Variants in DGKB observed in about 807,000 individuals in gnomAD.
The protein encoded by DGKB is diacylglycerol kinase beta.
DGKB carries 67 observed loss-of-function variants against 114.3 expected under a neutral mutation model. The ratio of observed to expected loss-of-function variants is 0.59; its 90% confidence interval spans 0.48 to 0.72. The LOEUF (loss-of-function observed/expected upper bound fraction) is 0.72, where lower values mean the gene tolerates loss of function less well. Among genes scored for constraint, DGKB ranks in the 30% least tolerant of loss-of-function variants. DGKB has a pLI of 0.00. For missense variants in DGKB, 907 were observed against 975.2 expected (o/e 0.93, Z 0.93); for synonymous variants, 398 against 323.1 (o/e 1.23, Z -2.49).
intron 21 of DGKB, among the ~76,000 whole-genome samples, chr7:14,384,434 C>T (rs949081071): frequency 2.0e-5 from 3 of 152,036 alleles, no homozygotes; most frequent in East Asian, 1.9e-4. Flanking sequence ...TCGGCAGAAC[C>T]GAGTAATTGT....
intron 20 of DGKB, among the ~76,000 whole-genome samples, chr7:14,532,739 C>T (rs1015296678): frequency 2.0e-5 from 3 of 151,560 alleles, no homozygotes; most frequent in Non-Finnish European, 3.0e-5. Flanking sequence ...GTTAGAAAAT[C>T]GGTAAAGACA....
intron 1 of DGKB, among the ~76,000 whole-genome samples, chr7:14,956,869 G>T (rs1419490247): frequency 3.3e-5 from 5 of 151,458 alleles, no homozygotes; most frequent in African/African-American, 4.8e-5. Context: ...TTTTTTTAAG[G>T]CAAATGAGCA....
chr7:14,719,473 A>G (rs893251692), intron 5 of DGKB, among the ~76,000 whole-genome samples: 3 of 54,752 alleles, frequency 5.5e-5, no homozygotes, highest in African/African-American at 1.2e-4. Flanking sequence ...TGTATCTGAC[A>G]AGGCCTGAAG....
chr7:14,482,187 A>C (rs1474647337), intron 20 of DGKB, among the ~76,000 whole-genome samples: 1 of 152,040 alleles, frequency 6.6e-6, no homozygotes, highest in African/African-American at 2.4e-5. Flanking sequence ...TGGTGTTCTA[A>C]TACCTGGAAG....
rs113874820 is a variant in DGKB, at chr7:14,152,341, G to C, written c.2305-3103C>G. Among the ~76,000 whole-genome samples the C allele has an allele frequency of 4.4e-3, 665 of 152,064 alleles. 7 individuals are homozygous for C. The highest frequency in any genetic ancestry group is 0.015 in the African/African-American group (632 of 41,506). Reference sequence around the variant, plus strand: ...CAAGGCATTTTGCAACATGATTTTGGTTGTTTAGTTTCTAAGAGACTCTGA... The same window carrying C: ...CAAGGCATTTTGCAACATGATTTTGCTTGTTTAGTTTCTAAGAGACTCTGA... On this transcript the variant is annotated intron_variant, in intron 25 of 25. Coordinates refer to ENST00000402815, the MANE Select transcript of DGKB (RefSeq NM_001350709.2).
chr7:14,489,714 C>T (rs1310152543), intron 20 of DGKB, among the ~76,000 whole-genome samples: 1 of 152,156 alleles, frequency 6.6e-6, no homozygotes, highest in Non-Finnish European at 1.5e-5. Flanking sequence ...TATGAGTGGT[C>T]ACCAGTAACT....
chr7:14,348,296 C>T (rs1021513115), intron 21 of DGKB, among the ~76,000 whole-genome samples: 5 of 152,016 alleles, frequency 3.3e-5, no homozygotes, highest in African/African-American at 1.2e-4. Context: ...TTAGATTCAT[C>T]CAGGTTGTTT....
In DGKB at chr7:14,974,400, G is replaced by A. The variant is rs111275996; in HGVS notation, c.-188+296C>T. On this transcript the variant is annotated intron_variant, in intron 1 of 4. Coordinates refer to the DGKB transcript ENST00000437998. ...AATTAAAAAAGGAATAGTACAAGTA[G>A]ATGACTCACTTCTATCTTTAAAAGC... Among the ~76,000 whole-genome samples, 1,260 of 152,138 alleles carry A rather than the reference G, an allele frequency of 8.3e-3. 23 individuals carry two copies. The highest frequency in any genetic ancestry group is 0.028 in the African/African-American group (1,181 of 41,558).
chr7:14,939,255 G>T (rs1466970701), intron 1 of DGKB, among the ~76,000 whole-genome samples: 1 of 152,088 alleles, frequency 6.6e-6, no homozygotes, highest in Non-Finnish European at 1.5e-5. Flanking sequence ...TTCAAATTTT[G>T]ATTTACAGAA....
intron 1 of DGKB, among the ~76,000 whole-genome samples, chr7:14,921,105 C>T (rs1288103012): frequency 6.6e-6 from 1 of 152,038 alleles, no homozygotes; most frequent in African/African-American, 2.4e-5. Flanking sequence ...CTCCTCCCAT[C>T]TGACATTTCG....
At chr7:14,252,563 G>A (rs1392143750) in intron 23 of DGKB, among the ~76,000 whole-genome samples, 1 of 152,134 alleles carries the variant, frequency 6.6e-6, no homozygotes, top group Non-Finnish European at 1.5e-5. Flanking sequence ...TTGGTGCCTG[G>A]GTCAGTGGGT....
chr7:14,799,932 T>C (rs936185379), intron 2 of DGKB, among the ~76,000 whole-genome samples: 25 of 152,194 alleles, frequency 1.6e-4, no homozygotes, highest in Admixed American at 1.5e-3. Context: ...TTTCTTTTTT[T>C]TTTTGACAGA....
intron 1 of DGKB, among the ~76,000 whole-genome samples, chr7:14,862,291 G>A (rs1175957699): frequency 2.0e-5 from 3 of 152,024 alleles, no homozygotes; most frequent in African/African-American, 7.2e-5. Flanking sequence ...CTGTGTGTAT[G>A]TATGTGTATG....
intron 1 of DGKB, among the ~76,000 whole-genome samples, chr7:14,923,983 C>CAAAAAAAAAAAAAAAAAAAAAAAAA (rs56032330): frequency 1.7e-4 from 13 of 76,164 alleles, no homozygotes; most frequent in African/African-American, 8.0e-4. Context: ...AGCTCCATCT[C>CAAAAAAAAAAAAAAAAAAAAAAAAA]AAAAAAAAAA....
At chr7:14,451,522 C>T (rs77378924) in intron 21 of DGKB, among the ~76,000 whole-genome samples, 2 of 148,138 alleles carry the variant, frequency 1.4e-5, no homozygotes, top group East Asian at 2.0e-4. Flanking sequence ...TGAGCCAATT[C>T]CTTATAATAA....
chr7:14,736,032 TA>T lies in DGKB; in HGVS notation c.322+8del. On this transcript the variant is annotated splice_region_variant and intron_variant, in intron 5 of 25. Coordinates refer to ENST00000402815, the MANE Select transcript of DGKB (RefSeq NM_001350709.2). ...GTACTATATAAATGTTTAAAGTAAG[TA>T]AACTTACCGCCTGATAGGAGAGCAG... The T allele has an allele frequency of 6.4e-7, 1 of 1,556,120 alleles. No individual in the cohort carries two copies. Among genetic ancestry groups the T allele is most frequent in the Non-Finnish European group, 8.7e-7 (1 of 1,148,002 alleles).
chr7:14,397,776 G>A (rs1271245408), intron 21 of DGKB, among the ~76,000 whole-genome samples: 1 of 152,206 alleles, frequency 6.6e-6, no homozygotes, highest in East Asian at 1.9e-4. Context: ...AGTGGATTGT[G>A]CTTGTTAGGT....
intron 20 of DGKB, among the ~76,000 whole-genome samples, chr7:14,533,242 A>G (rs1791887503): frequency 6.6e-6 from 1 of 151,858 alleles, no homozygotes; most frequent in African/African-American, 2.4e-5. Context: ...CAGCCTCTAT[A>G]GTAGACTCAG....
chr7:14,348,344 T>C (rs1408318859), intron 21 of DGKB, among the ~76,000 whole-genome samples: 1 of 152,120 alleles, frequency 6.6e-6, no homozygotes, highest in Non-Finnish European at 1.5e-5. Flanking sequence ...CACTGAGTAG[T>C]AGTACATGGT....
Sources: allele counts gnomAD v4.1 joint callset (sites outside exome capture counted in the v4.1 genomes callset), GRCh38; gene constraint gnomAD v4.1.1; transcripts MANE v1.5; gene names NCBI Gene and HGNC (gene_info 2026-07-23, HGNC 2026-07-21).